FRMPD4: variants seen among roughly 807,000 people sequenced by gnomAD.
The protein encoded by FRMPD4 is FERM and PDZ domain-containing protein 4.
FRMPD4 carries 22 observed loss-of-function variants against 94.1 expected under a neutral mutation model. The ratio of observed to expected loss-of-function variants is 0.23; its 90% CI spans 0.17 to 0.33. The LOEUF (loss-of-function observed/expected upper bound fraction) is 0.33. Among genes scored for constraint, FRMPD4 ranks in the 10% least tolerant of loss-of-function variants. The pLI, the probability that FRMPD4 is intolerant of heterozygous loss-of-function variation, is 1.00. For synonymous variants in FRMPD4, 631 were observed against 548.6 expected, an observed-to-expected ratio of 1.15 and a Z score of -2.10; for missense variants, 1,111 against 1,339.9, an observed-to-expected ratio of 0.83 and a Z score of 2.67.
intron 1 of FRMPD4, among the ~76,000 whole-genome samples, chrX:11,848,041 A>T (rs1386827821): frequency 1.8e-5 from 2 of 109,957 alleles, no homozygotes; most frequent in Non-Finnish European, 3.8e-5. Flanking sequence ...ATAATAATAA[A>T]AAAAATAAAA....
At chrX:12,087,460 G>C (rs945679079) in intron 3 of FRMPD4, among the ~76,000 whole-genome samples, 8 of 111,686 alleles carry the variant, frequency 7.2e-5, no homozygotes, top group African/African-American at 2.6e-4. Flanking sequence ...CCCAGGGTCA[G>C]CATCAAGATT....
intron 4 of FRMPD4, among the ~76,000 whole-genome samples, chrX:12,661,800 T>C (rs1325268716): frequency 1.8e-5 from 2 of 112,134 alleles, no homozygotes; most frequent in East Asian, 5.6e-4. Context: ...ATAATCTCTC[T>C]TCAGAGTGTT....
chrX:12,721,814 G>A lies in FRMPD4; in HGVS notation c.5245G>A (p.Val1749Ile), dbSNP rs2042246635. 1.6e-5 allele frequency: 12 copies of A among 753,299 alleles called. No individual in the cohort carries two copies. Among genetic ancestry groups the A allele is most frequent in the Non-Finnish European group, 1.7e-5 (11 of 636,622 alleles). The allele number at this position is 753,299 out of a possible 1,213,427, so 62.1% of individuals were successfully genotyped here. A position where few individuals can be genotyped will look rare whatever the true frequency, so the allele number is the denominator to read the frequency against. ...ARHSTTMAAL[V>I]STLTRSLKRL... ...ACACTCAACCACCATGGCCGCTCTC[G>A]TAAGCACACTGACACGTTCTCTCAA... Residue 1749 changes from valine to isoleucine, a missense_variant, in exon 17 of 17, where the codon GTA becomes ATA. Coordinates refer to ENST00000675598, the MANE Select transcript of FRMPD4 (RefSeq NM_001368397.1).
intron 3 of FRMPD4, among the ~76,000 whole-genome samples, chrX:11,951,972 G>C (rs1282899965): frequency 3.6e-5 from 4 of 112,254 alleles, no homozygotes; most frequent in Admixed American, 9.4e-5. Flanking sequence ...GGAGGTCAAG[G>C]CTGCAGTGAG....
intron 3 of FRMPD4, among the ~76,000 whole-genome samples, chrX:11,903,105 C>T (rs190994703): frequency 2.7e-5 from 3 of 112,035 alleles, no homozygotes; most frequent in East Asian, 2.8e-4. Flanking sequence ...TGTCATTCTC[C>T]GTTTTGTTCA....
chrX:12,075,352 G>C (rs750003318), intron 3 of FRMPD4, among the ~76,000 whole-genome samples: 1 of 108,377 alleles, frequency 9.2e-6, no homozygotes, highest in East Asian at 2.9e-4. Context: ...ATGTGTGTGT[G>C]GGGGGTGGTA....
intron 3 of FRMPD4, among the ~76,000 whole-genome samples, chrX:11,909,079 A>G (rs1601833816): frequency 8.9e-6 from 1 of 111,818 alleles, no homozygotes; most frequent in South Asian, 3.7e-4. Context: ...AAAATGAACT[A>G]AACATATTCC....
intron 1 of FRMPD4, among the ~76,000 whole-genome samples, chrX:12,449,430 C>T (rs371352232): frequency 9.8e-5 from 11 of 111,740 alleles, no homozygotes; most frequent in African/African-American, 3.6e-4. Flanking sequence ...ATACTGTTGT[C>T]GTTTTTTCAG....
intron 1 of FRMPD4, among the ~76,000 whole-genome samples, chrX:12,264,166 T>C (rs777216047): frequency 1.8e-5 from 2 of 111,773 alleles, no homozygotes; most frequent in East Asian, 5.6e-4. Context: ...TTCCTGAGAC[T>C]GAGAAGAACA....
At chrX:12,160,712 A>G (rs931195674) in intron 1 of FRMPD4, among the ~76,000 whole-genome samples, 9 of 111,747 alleles carry the variant, frequency 8.1e-5, no homozygotes, top group African/African-American at 2.9e-4. Flanking sequence ...GAAGGGTATC[A>G]CATTCTTTAG....
chrX:12,154,583 A>G (rs2055905986), intron 1 of FRMPD4, among the ~76,000 whole-genome samples: 1 of 112,420 alleles, frequency 8.9e-6, no homozygotes, highest in Non-Finnish European at 1.9e-5. Flanking sequence ...ACACACTACT[A>G]CAACATGGGT....
intron 3 of FRMPD4, among the ~76,000 whole-genome samples, chrX:12,610,560 A>C (rs1427085732): frequency 1.8e-5 from 2 of 111,879 alleles, no homozygotes; most frequent in Non-Finnish European, 3.8e-5. Context: ...CAGCCTGGCC[A>C]ACATGGCAAA....
intron 14 of FRMPD4, among the ~76,000 whole-genome samples, chrX:12,713,505 A>G (rs972807399): frequency 3.6e-5 from 4 of 110,316 alleles, no homozygotes; most frequent in African/African-American, 1.3e-4. Context: ...AGAGAGAGAG[A>G]CAGAGAGAGA....
chrX:12,146,437 C>G (rs890430703), intron 1 of FRMPD4, among the ~76,000 whole-genome samples: 1 of 109,209 alleles, frequency 9.2e-6, no homozygotes, highest in African/African-American at 3.3e-5. Context: ...GCCTTAACTT[C>G]CTACTCAACA....
At chrX:11,967,765 T>G (rs1056037657) in intron 3 of FRMPD4, among the ~76,000 whole-genome samples, 2 of 102,848 alleles carry the variant, frequency 1.9e-5, no homozygotes, top group African/African-American at 7.1e-5. Context: ...TGTTTTTTTT[T>G]TTTTTTTTTT....
intron 3 of FRMPD4, among the ~76,000 whole-genome samples, chrX:12,051,817 G>T (rs2054820462): frequency 9.0e-6 from 1 of 110,825 alleles, no homozygotes; most frequent in Non-Finnish European, 1.9e-5. Context: ...TGGTTGAAGT[G>T]ATGACAAAGA....
chrX:12,519,600 C>G (rs1456997558), intron 2 of FRMPD4, among the ~76,000 whole-genome samples: 7 of 112,090 alleles, frequency 6.2e-5, no homozygotes, highest in Non-Finnish European at 9.4e-5. Flanking sequence ...ACATGATCAA[C>G]AGAATGAAAA....
intron 1 of FRMPD4, among the ~76,000 whole-genome samples, chrX:12,329,090 A>G (rs1396211902): frequency 8.9e-6 from 1 of 112,466 alleles, no homozygotes; most frequent in Non-Finnish European, 1.9e-5. Flanking sequence ...ATGGACAGGA[A>G]TATAGAAACA....
intron 3 of FRMPD4, among the ~76,000 whole-genome samples, chrX:12,021,385 T>C (rs2147423729): frequency 8.9e-6 from 1 of 112,022 alleles, no homozygotes; most frequent in African/African-American, 3.2e-5. Context: ...AAAAAAATTA[T>C]TGGTTTACAT....
Sources: allele counts gnomAD v4.1 joint callset (sites outside exome capture counted in the v4.1 genomes callset), GRCh38; gene constraint gnomAD v4.1.1; transcripts MANE v1.5; gene names NCBI Gene and HGNC (gene_info 2026-07-23, HGNC 2026-07-21).